Variants in CFAP47 observed in about 807,000 individuals in gnomAD.
CFAP47 encodes cilia- and flagella-associated protein 47.
CFAP47 carries 29 observed loss-of-function variants against 148.1 expected under a neutral mutation model. The ratio of observed to expected loss-of-function variants is 0.20; its 90% CI spans 0.15 to 0.27. CFAP47 has a LOEUF of 0.27. CFAP47 is among the 10% of genes least tolerant of loss of function. The probability of loss-of-function intolerance (pLI) is 1.00; values close to 1 mark genes in which losing one functional copy is unlikely to be tolerated. For missense variants in CFAP47, 1,872 were observed against 1,697.5 expected (o/e 1.10, Z -1.81); for synonymous variants, 664 against 577.3 (o/e 1.15, Z -2.15).
At chrX:36,344,805 T>C (rs1242422435) in intron 57 of CFAP47, among the ~76,000 whole-genome samples, 1 of 112,196 alleles carries the variant, frequency 8.9e-6, no homozygotes, top group African/African-American at 3.2e-5. Context: ...AGTTAGCCTT[T>C]GCTGTTTTTA....
At position 36,385,149 on chromosome X, in the gene CFAP47, T is replaced by A; in HGVS notation, c.*143T>A. On this transcript the variant is annotated 3_prime_UTR_variant, in exon 64 of 64. Coordinates refer to ENST00000378653, the MANE Select transcript of CFAP47 (RefSeq NM_001304548.2). ...GTCTTTTAAAATTCAATCTGTTCTCTGAATATATTATACTTCATTTGTGAG... is the reference window on the plus strand; with the variant it reads ...GTCTTTTAAAATTCAATCTGTTCTCAGAATATATTATACTTCATTTGTGAG... The A allele has an allele frequency of 2.2e-6, 1 of 449,276 alleles. No individual in the cohort carries two copies. The highest frequency in any genetic ancestry group is 3.8e-6 in the Non-Finnish European group (1 of 260,336). The allele number at this position is 449,276 out of a possible 1,213,427, so 37.0% of individuals were successfully genotyped here.
chrX:36,059,754 A>G (rs1445322808), intron 26 of CFAP47, among the ~76,000 whole-genome samples: 1 of 111,718 alleles, frequency 9.0e-6, no homozygotes, highest in Non-Finnish European at 1.9e-5. Context: ...TATGATTTGG[A>G]TATGGTTTGT....
At chrX:36,318,674 T>G (rs1941455505) in intron 56 of CFAP47, among the ~76,000 whole-genome samples, 1 of 112,220 alleles carries the variant, frequency 8.9e-6, no homozygotes, top group Admixed American at 9.5e-5. Context: ...ATTTTCAATC[T>G]GCCTTTGGTT....
chrX:36,139,896 T>C (rs1041012891), intron 35 of CFAP47, among the ~76,000 whole-genome samples: 1 of 107,618 alleles, frequency 9.3e-6, no homozygotes, highest in Non-Finnish European at 1.9e-5. Flanking sequence ...TTTTATTTCA[T>C]TTTCTTTTCA....
chrX:36,191,931 C>T (rs185367869), intron 42 of CFAP47, among the ~76,000 whole-genome samples: 43 of 110,527 alleles, frequency 3.9e-4, no homozygotes, highest in Admixed American at 3.4e-3. Flanking sequence ...TGCAGTGAGC[C>T]GAGATCATGC....
intron 21 of CFAP47, among the ~76,000 whole-genome samples, chrX:36,013,656 C>T (rs1325655218): frequency 9.0e-6 from 1 of 111,186 alleles, no homozygotes; most frequent in Non-Finnish European, 1.9e-5. Context: ...CCTCCTCCAC[C>T]TCTAGTCCAT....
intron 36 of CFAP47, among the ~76,000 whole-genome samples, chrX:36,146,646 T>G (rs769620617): frequency 1.1e-3 from 126 of 111,923 alleles, no homozygotes; most frequent in African/African-American, 3.9e-3. Context: ...TGTATTTTGC[T>G]CCTGTGAATC....
At chrX:36,065,891 G>A (rs752232809) in intron 27 of CFAP47, 148 bp downstream of exon 27, 6 of 397,572 alleles carry the variant, frequency 1.5e-5, no homozygotes, top group Admixed American at 9.2e-5. Flanking sequence ...AGTAGAATCT[G>A]TATGTCTCTT....
At chrX:35,926,243 G>A in intron 2 of CFAP47, 75 bp downstream of exon 2, 1 of 841,049 alleles carries the variant, frequency 1.2e-6, no homozygotes. Flanking sequence ...GTAATATTTT[G>A]TATTTTTTCT....
intron 46 of CFAP47, among the ~76,000 whole-genome samples, chrX:36,234,776 G>T (rs1246033756): frequency 6.3e-5 from 7 of 111,330 alleles, no homozygotes; most frequent in African/African-American, 1.6e-4. Flanking sequence ...ATGATGGTGA[G>T]GTACAGATGG....
intron 15 of CFAP47, among the ~76,000 whole-genome samples, chrX:35,980,070 G>A: frequency 8.9e-6 from 1 of 111,735 alleles, no homozygotes; most frequent in East Asian, 2.8e-4. Context: ...TCTGGTGCCT[G>A]CTGATGTCTT....
intron 49 of CFAP47, among the ~76,000 whole-genome samples, chrX:36,258,049 C>T (rs903111390): frequency 7.2e-5 from 8 of 111,447 alleles, no homozygotes; most frequent in Admixed American, 9.5e-5. Flanking sequence ...TTAATAGCAC[C>T]GAAAAGTGCT....
At chrX:36,157,587 C>A (rs896048251) in intron 37 of CFAP47, among the ~76,000 whole-genome samples, 8 of 111,177 alleles carry the variant, frequency 7.2e-5, no homozygotes, top group African/African-American at 2.6e-4. Context: ...GCTCTCACAG[C>A]ACATATATAA....
intron 33 of CFAP47, among the ~76,000 whole-genome samples, chrX:36,130,602 A>G (rs1218461832): frequency 9.0e-6 from 1 of 111,260 alleles, no homozygotes; most frequent in Non-Finnish European, 1.9e-5. Flanking sequence ...GGAAACCAGT[A>G]TATTGAACAG....
At chrX:36,049,219 A>G (rs1467094951) in intron 26 of CFAP47, among the ~76,000 whole-genome samples, 1 of 109,872 alleles carries the variant, frequency 9.1e-6, no homozygotes, top group Non-Finnish European at 1.9e-5. Context: ...TAGAAGAGGA[A>G]TCTAAGGCTC....
At chrX:36,027,478 G>A (rs1337416586) in intron 22 of CFAP47, among the ~76,000 whole-genome samples, 1 of 110,695 alleles carries the variant, frequency 9.0e-6, no homozygotes, top group African/African-American at 3.3e-5. Flanking sequence ...GAGGATAATG[G>A]CTTCCACTTT....
In CFAP47 at chrX:36,348,271, G is replaced by C; in HGVS notation, c.8586G>C (p.Leu2862Phe). Reference sequence around the variant, plus strand: ...GGCCTATTGACAATTTTGATGAGTTGGATATAAAATTTAAAAGGTAACATT... The same window carrying C: ...GGCCTATTGACAATTTTGATGAGTTCGATATAAAATTTAAAAGGTAACATT... ...KYWPIDNFDE[L>F]DIKFKSIVGI... is the part of the protein sequence containing the mutation. Residue 2862 changes from leucine to phenylalanine, a missense_variant, in exon 58 of 64, where the codon TTG (leucine) becomes TTC (phenylalanine). Transcript: ENST00000378653. The C allele has an allele frequency of 2.0e-6, 2 of 1,013,751 alleles. No individual in the cohort carries two copies. The highest frequency in any genetic ancestry group is 2.5e-6 in the Non-Finnish European group (2 of 790,196). 83.5% of individuals were successfully genotyped at this position (1,013,751 alleles called of 1,213,427 possible). A position where few individuals can be genotyped will look rare whatever the true frequency, so the allele number is the denominator to read the frequency against.
intron 22 of CFAP47, among the ~76,000 whole-genome samples, chrX:36,027,703 T>C (rs1403436609): frequency 9.0e-6 from 1 of 111,486 alleles, no homozygotes; most frequent in Non-Finnish European, 1.9e-5. Context: ...CAAATGGTAG[T>C]GCAATTTTTA....
At chrX:35,925,633 T>C (rs1935726786) in intron 1 of CFAP47, among the ~76,000 whole-genome samples, 1 of 112,094 alleles carries the variant, frequency 8.9e-6, no homozygotes, top group African/African-American at 3.2e-5. Context: ...AATATAACAC[T>C]CCTAACTATA....
Sources: gnomAD v4.1 joint callset for allele counts (sites outside exome capture counted in the v4.1 genomes callset) on GRCh38, gnomAD v4.1.1 for gene constraint, MANE v1.5 for transcripts, NCBI Gene and HGNC (gene_info 2026-07-23, HGNC 2026-07-21) for gene names.